LDB2: variants seen among roughly 807,000 people sequenced by gnomAD.
LDB2 encodes LIM domain binding 2, also known as LIM domain-binding protein 2.
In LDB2, 12 loss-of-function variants were observed where a neutral mutation model predicts 44.3. The ratio of observed to expected loss-of-function variants is 0.27; its 90% CI spans 0.17 to 0.44. The LOEUF (loss-of-function observed/expected upper bound fraction) is 0.44. Ranked by LOEUF, LDB2 falls within the 20% of genes least tolerant of loss-of-function variation. The pLI is 1.00. For missense variants in LDB2, 344 were observed against 473.5 expected (o/e 0.73, Z 2.54); for synonymous variants, 164 against 174.8 (o/e 0.94, Z 0.49).
chr4:16,865,499 C>A (rs891447444), intron 1 of LDB2, among the ~76,000 whole-genome samples: 2 of 152,170 alleles, frequency 1.3e-5, no homozygotes, highest in Non-Finnish European at 2.9e-5. Context: ...GCACTAAGGG[C>A]ACCTCCTCAC....
chr4:16,731,890 G>C (rs283026), intron 2 of LDB2, among the ~76,000 whole-genome samples: 66,309 of 151,872 alleles, frequency 0.44, 14,526 homozygotes, highest in African/African-American at 0.47. Flanking sequence ...AAAAGCAAAC[G>C]AATGTAAATC....
At position 16,697,433 on chromosome 4, in the gene LDB2, G is replaced by C. The variant is rs6820196; in HGVS notation, c.235+61725C>G. Among the ~76,000 whole-genome samples the C allele has an allele frequency of 8.8e-3, 1,337 of 151,686 alleles. 25 individuals are homozygous for C. The highest frequency in any genetic ancestry group is 0.03 in the African/African-American group (1,244 of 41,304). On this transcript the variant is annotated intron_variant, in intron 2 of 7. Coordinates refer to ENST00000304523, the MANE Select transcript of LDB2 (RefSeq NM_001290.5). ...GCTGAGATCGCACCACTGCACTCCA[G>C]CCTGGGCGACAGAGCAAGACTCCGT...
intron 1 of LDB2, among the ~76,000 whole-genome samples, chr4:16,879,765 C>T (rs1324970053): frequency 6.6e-6 from 1 of 152,160 alleles, no homozygotes; most frequent in Admixed American, 6.5e-5. Flanking sequence ...GATATATACC[C>T]TATATCTGCT....
At chr4:16,733,518 GCAAGGGA>G (rs1210375555) in intron 2 of LDB2, among the ~76,000 whole-genome samples, 3 of 152,182 alleles carry the variant, frequency 2.0e-5, no homozygotes, top group Non-Finnish European at 1.5e-5. Flanking sequence ...GACATAGCAG[GCAAGGGA>G]CTCTGGGTTA....
intron 1 of LDB2, among the ~76,000 whole-genome samples, chr4:16,770,608 C>T (rs577200204): frequency 3.3e-5 from 5 of 152,142 alleles, no homozygotes; most frequent in South Asian, 2.1e-4. Context: ...ATCAAATAAG[C>T]GGCAACATTG....
chr4:16,628,262 C>T (rs548309563), intron 2 of LDB2, among the ~76,000 whole-genome samples: 38 of 152,220 alleles, frequency 2.5e-4, no homozygotes, highest in African/African-American at 8.2e-4. Flanking sequence ...GCAAGGATTA[C>T]GTGAATTCCA....
intron 2 of LDB2, among the ~76,000 whole-genome samples, chr4:16,702,714 G>A (rs888001833): frequency 3.1e-4 from 47 of 152,232 alleles, no homozygotes; most frequent in African/African-American, 1.0e-3. Flanking sequence ...GGATGCATGA[G>A]TGAAGCTCAG....
rs1717750766 is a variant in LDB2 at position 16,502,411 on chromosome 4, T to C, written c.*232A>G. The C allele has an allele frequency of 3.6e-6, 2 of 552,062 alleles. No homozygotes were observed. Among genetic ancestry groups the C allele is most frequent in the Non-Finnish European group, 6.4e-6 (2 of 311,838 alleles). The allele number at this position is 552,062 out of a possible 1,614,324, so 34.2% of individuals were successfully genotyped here. A position where few individuals can be genotyped will look rare whatever the true frequency, so the allele number is the denominator to read the frequency against. On this transcript the variant is annotated 3_prime_UTR_variant, in exon 8 of 8. Transcript: ENST00000304523. ...TCATTTTAATTACAATCAGTGCCAG[T>C]ATCTGTATTACCTGTGAAGGCCTCC...
intron 5 of LDB2, among the ~76,000 whole-genome samples, chr4:16,545,215 T>C (rs375443742): frequency 6.6e-6 from 1 of 151,872 alleles, no homozygotes; most frequent in African/African-American, 2.4e-5. Flanking sequence ...CTTCTGTTTT[T>C]TCCCCCCTCC....
chr4:16,548,830 A>G (rs1358093757), intron 5 of LDB2, among the ~76,000 whole-genome samples: 1 of 152,246 alleles, frequency 6.6e-6, no homozygotes, highest in Non-Finnish European at 1.5e-5. Context: ...TATATGCAGA[A>G]CACATTTCAC....
chr4:16,628,357 A>G (rs1055187835), intron 2 of LDB2, among the ~76,000 whole-genome samples: 1 of 152,126 alleles, frequency 6.6e-6, no homozygotes, highest in African/African-American at 2.4e-5. Flanking sequence ...AGATGTTGCC[A>G]TTTGACTTAG....
chr4:16,680,360 T>TGCTTCAGCC lies in LDB2; in HGVS notation c.235+78789_235+78797dup, dbSNP rs1747500351. On this transcript the variant is annotated intron_variant, in intron 2 of 7. Transcript: ENST00000304523. ...GAAATGGAAGCAGGGAAACACCATC[T>TGCTTCAGCC]GCTTCAGCCTGCTCTTTGTTTTACC... is the stretch of plus-strand genomic sequence containing the variant. Among the ~76,000 whole-genome samples, 5 of 152,324 alleles carry TGCTTCAGCC rather than the reference T, an allele frequency of 3.3e-5. No homozygotes were observed. In the South Asian group the frequency reaches 1.0e-3, roughly 32 times the overall value.
intron 2 of LDB2, among the ~76,000 whole-genome samples, chr4:16,622,226 T>A (rs1459294150): frequency 6.6e-6 from 1 of 152,206 alleles, no homozygotes; most frequent in East Asian, 1.9e-4. Context: ...AAAGCAACAC[T>A]GAGTGCTTAG....
chr4:16,656,995 G>T (rs1393266343), intron 2 of LDB2, among the ~76,000 whole-genome samples: 1 of 152,062 alleles, frequency 6.6e-6, no homozygotes, highest in East Asian at 1.9e-4. Context: ...AGAAAATTAA[G>T]GTAAAACAGA....
intron 2 of LDB2, among the ~76,000 whole-genome samples, chr4:16,663,719 G>C (rs1279158829): frequency 1.3e-5 from 2 of 152,144 alleles, no homozygotes; most frequent in Non-Finnish European, 2.9e-5. Flanking sequence ...AGATCTTTTA[G>C]AATGAAACTT....
chr4:16,854,826 A>T (rs537135918), intron 1 of LDB2, among the ~76,000 whole-genome samples: 70 of 152,020 alleles, frequency 4.6e-4, no homozygotes, highest in Non-Finnish European at 8.8e-4. Flanking sequence ...CTATGTTAGC[A>T]CATTTCATAC....
chr4:16,726,731 T>G (rs1759560729), intron 2 of LDB2, among the ~76,000 whole-genome samples: 1 of 152,180 alleles, frequency 6.6e-6, no homozygotes, highest in Admixed American at 6.5e-5. Flanking sequence ...ACAGAATCAT[T>G]ACCAATAACA....
At chr4:16,844,634 A>G (rs1786593437) in intron 1 of LDB2, among the ~76,000 whole-genome samples, 1 of 152,140 alleles carries the variant, frequency 6.6e-6, no homozygotes, top group Non-Finnish European at 1.5e-5. Flanking sequence ...TTGACTCTGC[A>G]TTTACAAGAA....
At chr4:16,701,865 G>A (rs966297229) in intron 2 of LDB2, among the ~76,000 whole-genome samples, 1 of 152,194 alleles carries the variant, frequency 6.6e-6, no homozygotes, top group East Asian at 1.9e-4. Flanking sequence ...AAGAAGACCA[G>A]ATATATAATG....
Sources: allele counts gnomAD v4.1 joint callset (sites outside exome capture counted in the v4.1 genomes callset), GRCh38; gene constraint gnomAD v4.1.1; transcripts MANE v1.5; gene names NCBI Gene and HGNC (gene_info 2026-07-23, HGNC 2026-07-21).